The following CLEC2D variants were observed in gnomAD, a reference collection of about 807,000 sequenced individuals.
The protein encoded by CLEC2D is C-type lectin related f.
Under a neutral mutation model 20.0 loss-of-function variants are expected in CLEC2D, and 16 were observed. The ratio of observed to expected loss-of-function variants is 0.80; its 90% CI spans 0.54 to 1.22. The LOEUF (loss-of-function observed/expected upper bound fraction) is 1.22. CLEC2D is among the 50% of genes most tolerant of loss of function. The pLI is 0.00. For missense variants in CLEC2D, 207 were observed against 221.5 expected (o/e 0.93, Z 0.42); for synonymous variants, 77 against 71.1 (o/e 1.08, Z -0.42).
intron 1 of CLEC2D, among the ~76,000 whole-genome samples, chr12:9,675,484 G>A (rs1033603053): frequency 6.6e-5 from 10 of 152,154 alleles, no homozygotes; most frequent in Non-Finnish European, 1.3e-4. Context: ...GTGAGCCACC[G>A]CGCCCAGCCT....
chr12:9,693,282 G>C lies in CLEC2D; in HGVS notation c.461+351G>C, dbSNP rs944852963. On this transcript the variant is annotated intron_variant, in intron 4 of 4. Transcript: ENST00000290855. ...TCACAGGGTTGATGTGAGGAACAGA[G>C]GTTTTGATGTATCAGGGAAAGATTA... The C allele has an allele frequency of 5.0e-5, 27 of 543,998 alleles. No homozygotes were observed. The Middle Eastern group carries it at 8.8e-4, about 18-fold the overall frequency. The allele number at this position is 543,998 out of a possible 1,614,324, so 33.7% of individuals were successfully genotyped here.
At chr12:9,677,792 T>G (rs1331187087) in intron 1 of CLEC2D, among the ~76,000 whole-genome samples, 1 of 150,828 alleles carries the variant, frequency 6.6e-6, no homozygotes, top group Non-Finnish European at 1.5e-5. Flanking sequence ...TAATGCAATC[T>G]CATCTCATTT....
Position 9,692,882 on chromosome 12 carries a change from G to A in CLEC2D, c.412G>A (p.Glu138Lys). 1 of 1,613,740 alleles carries A rather than the reference G, an allele frequency of 6.2e-7. No individual in the cohort carries two copies. ...PSDHWIGLSR[E>K]QGQPWKWING... The stretch of plus-strand genomic sequence containing the variant: ...TGATCACTGGATTGGGCTGAGCAGA[G>A]AACAAGGCCAACCATGGAAATGGAT... The change falls in exon 4 of 5, where the codon GAA (glutamate) becomes AAA (lysine). Residue 138 changes from glutamate to lysine, a missense_variant. By Grantham distance (56) the Glu-to-Lys change is moderately conservative. Transcript: ENST00000290855.
At chr12:9,693,272 G>C in intron 4 of CLEC2D, 1 of 563,168 alleles carries the variant, frequency 1.8e-6, no homozygotes, top group East Asian at 2.8e-5. Flanking sequence ...GGGTTGATGT[G>C]AGGAACAGAG....
Position 9,695,449 on chromosome 12 carries a change from A to C in CLEC2D, c.*575A>C, listed in dbSNP as rs1378911783. ...CCCAGAACTATCTTTTCAGTTGTGA[A>C]CTAAAGGCCGACAAAGATGATCACT... On this transcript the variant is annotated 3_prime_UTR_variant, in exon 5 of 5. Coordinates refer to ENST00000290855, the MANE Select transcript of CLEC2D (RefSeq NM_013269.6). 1.5e-6 allele frequency: 2 copies of C among 1,373,234 alleles called. No homozygotes were observed. Among genetic ancestry groups the C allele is most frequent in the African/African-American group, 1.5e-5 (1 of 68,736 alleles). 85.1% of individuals were successfully genotyped at this position (1,373,234 alleles called of 1,614,324 possible).
At chr12:9,693,968 GCTTTT>G in intron 4 of CLEC2D, 8 of 148,786 alleles carry the variant, frequency 5.4e-5, no homozygotes, top group Non-Finnish European at 7.3e-5. Flanking sequence ...ACCTTGCTTG[GCTTTT>G]TTTTTTTTTT....
At chr12:9,694,609 C>T (rs553057561) in intron 4 of CLEC2D, 151 bp from the exon 5 acceptor site, 3 of 598,918 alleles carry the variant, frequency 5.0e-6, no homozygotes, top group Non-Finnish European at 9.1e-6. Context: ...CTAAGCAAAG[C>T]CCACTGACTA....
intron 2 of CLEC2D, among the ~76,000 whole-genome samples, chr12:9,685,905 A>G (rs1016464215): frequency 5.3e-5 from 8 of 152,270 alleles, no homozygotes; most frequent in Admixed American, 3.3e-4. Flanking sequence ...GGGGTATGAA[A>G]AAAACTCCTG....
At chr12:9,689,284 A>ATG in intron 3 of CLEC2D, among the ~76,000 whole-genome samples, 1 of 152,346 alleles carries the variant, frequency 6.6e-6, no homozygotes, top group Non-Finnish European at 1.5e-5. Context: ...TTCAATGACC[A>ATG]TGCACAACAG....
At chr12:9,694,464 G>T (rs1865934820) in intron 4 of CLEC2D, among the ~76,000 whole-genome samples, 3 of 152,162 alleles carry the variant, frequency 2.0e-5, no homozygotes. Context: ...ACTGTGTAAA[G>T]AAAACGTGTC....
intron 3 of CLEC2D, 151 bp downstream of exon 3, chr12:9,688,237 C>A: frequency 8.0e-7 from 1 of 1,255,830 alleles, no homozygotes; most frequent in Non-Finnish European, 1.0e-6. Flanking sequence ...AGTAACCTAG[C>A]ATGTATTATA....
At chr12:9,674,758 T>A (rs1865489210) in intron 1 of CLEC2D, among the ~76,000 whole-genome samples, 1 of 152,232 alleles carries the variant, frequency 6.6e-6, no homozygotes, top group Admixed American at 6.5e-5. Context: ...TATTAATAAT[T>A]TGTCTTTTCA....
intron 2 of CLEC2D, among the ~76,000 whole-genome samples, chr12:9,685,556 A>G (rs1402415737): frequency 6.6e-6 from 1 of 152,192 alleles, no homozygotes; most frequent in Non-Finnish European, 1.5e-5. Context: ...AGGAATCTAG[A>G]GAGGCAGTCC....
chr12:9,676,835 T>C (rs1352196041), intron 1 of CLEC2D, among the ~76,000 whole-genome samples: 2 of 152,196 alleles, frequency 1.3e-5, no homozygotes, highest in African/African-American at 2.4e-5. Flanking sequence ...ACTTCTGTAA[T>C]AAATGTAAAC....
chr12:9,681,052 T>C lies in CLEC2D; in HGVS notation c.172+19T>C. On this transcript the variant is annotated intron_variant, in intron 2 of 4. Coordinates refer to ENST00000290855, the MANE Select transcript of CLEC2D (RefSeq NM_013269.6). ...TTAAGCGGTAAGTGAACTGTAATCTTTATTCATCTAGAGAGAATTATACTT... is the reference window on the plus strand; with the variant it reads ...TTAAGCGGTAAGTGAACTGTAATCTCTATTCATCTAGAGAGAATTATACTT... 1 of 1,197,408 alleles carries C rather than the reference T, an allele frequency of 8.4e-7. No homozygotes were observed. The highest frequency in any genetic ancestry group is 1.2e-5 in the South Asian group (1 of 80,850). The allele number at this position is 1,197,408 out of a possible 1,614,324, so 74.2% of individuals were successfully genotyped here. A position where few individuals can be genotyped will look rare whatever the true frequency, so the allele number is the denominator to read the frequency against.
intron 1 of CLEC2D, among the ~76,000 whole-genome samples, chr12:9,679,205 C>T (rs1865583737): frequency 6.6e-6 from 1 of 152,052 alleles, no homozygotes; most frequent in Non-Finnish European, 1.5e-5. Flanking sequence ...AACAAACTGC[C>T]ATTTGTTAGA....
intron 1 of CLEC2D, among the ~76,000 whole-genome samples, chr12:9,679,865 C>T (rs1472737561): frequency 2.0e-5 from 3 of 152,062 alleles, no homozygotes; most frequent in African/African-American, 4.8e-5. Flanking sequence ...GAACAGGGTT[C>T]CAATAATGAA....
chr12:9,691,657 A>G (rs146472858), intron 3 of CLEC2D, among the ~76,000 whole-genome samples: 121 of 152,328 alleles, frequency 7.9e-4, no homozygotes, highest in African/African-American at 2.7e-3. Flanking sequence ...TTCAACAGCC[A>G]TTGGTCAAAG....
intron 1 of CLEC2D, among the ~76,000 whole-genome samples, chr12:9,679,232 A>G (rs1013027100): frequency 5.9e-5 from 9 of 152,172 alleles, no homozygotes; most frequent in Admixed American, 2.0e-4. Context: ...AAGAATAAGA[A>G]AAATAGTTTT....
Sources: allele counts gnomAD v4.1 joint callset (sites outside exome capture counted in the v4.1 genomes callset), GRCh38; gene constraint gnomAD v4.1.1; transcripts MANE v1.5; gene names NCBI Gene and HGNC (gene_info 2026-07-23, HGNC 2026-07-21).